MET: variants seen among roughly 807,000 people sequenced by gnomAD.
MET encodes the protein hepatocyte growth factor receptor.
In MET, 48 loss-of-function variants were observed where a neutral mutation model predicts 133.1. The observed-to-expected ratio is 0.36, with a 90% CI of 0.29 to 0.46. The LOEUF (loss-of-function observed/expected upper bound fraction) is 0.46. Ranked by LOEUF, MET falls within the 20% of genes least tolerant of loss-of-function variation. The pLI is 1.00. For synonymous variants in MET, 628 were observed against 616.5 expected (o/e 1.02, Z -0.28); for missense variants, 1,442 against 1,695.9 (o/e 0.85, Z 2.63).
At position 116,778,910 on chromosome 7, in the gene MET, T is replaced by C. The variant is rs2117047603; in HGVS notation, c.3475T>C (p.Tyr1159His). The part of the protein sequence containing the change: ...SEGSPLVVLP[Y>H]MKHGDLRNFI... ...AGGGTCTCCGCTGGTGGTCCTACCATACATGAAACATGGAGATCTTCGAAA... is the reference window on the plus strand; with the variant it reads ...AGGGTCTCCGCTGGTGGTCCTACCACACATGAAACATGGAGATCTTCGAAA... The change falls in exon 17 of 21, where the codon TAC becomes CAC. Residue 1159 changes from tyrosine to histidine, a missense_variant. Transcript: ENST00000397752. 1.2e-6 allele frequency: 2 copies of C among 1,613,994 alleles called. No homozygotes were observed. Among genetic ancestry groups the C allele is most frequent in the Non-Finnish European group, 1.7e-6 (2 of 1,179,938 alleles).
intron 2 of MET, among the ~76,000 whole-genome samples, chr7:116,703,137 A>C (rs574571138): frequency 1.7e-4 from 26 of 152,292 alleles, no homozygotes; most frequent in Non-Finnish European, 3.2e-4. Flanking sequence ...GTCTCCACAT[A>C]TGATGCTGTT....
chr7:116,797,108 C>T lies in MET; in HGVS notation c.*984C>T, dbSNP rs573510587. The T allele has an allele frequency of 5.1e-6, 1 of 195,448 alleles. No individual in the cohort carries two copies. The highest frequency in any genetic ancestry group is 1.9e-4 in the South Asian group (1 of 5,164). 12.1% of individuals were successfully genotyped at this position (195,448 alleles called of 1,614,324 possible). Reference sequence around the variant, plus strand: ...AAATATTTAGTTGTCATATAAAAACCCACTGTTTGAGAATGATGCTACTCT... The same window carrying T: ...AAATATTTAGTTGTCATATAAAAACTCACTGTTTGAGAATGATGCTACTCT... On this transcript the variant is annotated 3_prime_UTR_variant, in exon 21 of 21. Transcript: ENST00000397752.
In MET at chr7:116,774,885, G is replaced by A. The variant is rs773719648; in HGVS notation, c.3033G>A (p.Gln1011=). The change falls in exon 15 of 21, where the codon CAG becomes CAA. Residue 1011 remains glutamine (Q), a synonymous_variant. Transcript: ENST00000397752. ...TAATTTTCCTTCATCTTACAGATCA[G>A]TTTCCTAATTCATCTCAGAACGGTT... is the stretch of plus-strand genomic sequence containing the variant. ...VDYRATFPED[Q]FPNSSQNGSC... The A allele has an allele frequency of 6.2e-7, 1 of 1,613,612 alleles. No homozygotes were observed. The highest frequency in any genetic ancestry group is 1.3e-5 in the African/African-American group (1 of 74,880).
intron 10 of MET, among the ~76,000 whole-genome samples, chr7:116,760,964 T>C (rs528224773): frequency 6.6e-6 from 1 of 152,294 alleles, no homozygotes; most frequent in East Asian, 1.9e-4. Flanking sequence ...CAAATAAGAA[T>C]AATAGTGACC....
At chr7:116,694,198 C>G (rs1452909359) in intron 1 of MET, among the ~76,000 whole-genome samples, 2 of 152,136 alleles carry the variant, frequency 1.3e-5, no homozygotes, top group African/African-American at 4.8e-5. Flanking sequence ...CAACACACAC[C>G]TTTGTTAATG....
chr7:116,702,794 G>A (rs1015796520), intron 2 of MET, among the ~76,000 whole-genome samples: 9 of 152,136 alleles, frequency 5.9e-5, no homozygotes, highest in Non-Finnish European at 1.3e-4. Context: ...CCTCAGTGTT[G>A]ACACATTGCT....
At position 116,763,039 on chromosome 7, in the gene MET, T is replaced by A. The variant is rs1367439751; in HGVS notation, c.2365-11T>A. On this transcript the variant is annotated splice_polypyrimidine_tract_variant and intron_variant, in intron 10 of 20. Transcript: ENST00000397752. Reference sequence around the variant, plus strand: ...ATTCTGTTTACAGTGGATAATTGTGTCTTTCTCTAGGCATGTCAACATCGC... The same window carrying A: ...ATTCTGTTTACAGTGGATAATTGTGACTTTCTCTAGGCATGTCAACATCGC... The A allele has an allele frequency of 6.2e-7, 1 of 1,609,902 alleles. No individual in the cohort carries two copies. The highest frequency in any genetic ancestry group is 8.5e-7 in the Non-Finnish European group (1 of 1,176,270).
At chr7:116,682,713 A>G (rs893390307) in intron 1 of MET, among the ~76,000 whole-genome samples, 1 of 152,028 alleles carries the variant, frequency 6.6e-6, no homozygotes, top group Non-Finnish European at 1.5e-5. Flanking sequence ...GTTCTTTCCC[A>G]TTTTGCCCAA....
At chr7:116,795,566 CA>C in intron 19 of MET, 88 bp from the exon 20 acceptor site, 1 of 1,584,002 alleles carries the variant, frequency 6.3e-7, no homozygotes, top group Non-Finnish European at 8.7e-7. Flanking sequence ...TATGTAAAGC[CA>C]AGTTTAGTTA....
intron 9 of MET, among the ~76,000 whole-genome samples, 169 bp downstream of exon 9, chr7:116,758,789 T>C (rs1794286585): frequency 6.6e-6 from 1 of 152,226 alleles, no homozygotes; most frequent in South Asian, 2.1e-4. Flanking sequence ...GTTCTGAGTG[T>C]AGTTTGACTT....
At chr7:116,702,466 C>G (rs1258411721) in intron 2 of MET, among the ~76,000 whole-genome samples, 1 of 151,964 alleles carries the variant, frequency 6.6e-6, no homozygotes, top group Non-Finnish European at 1.5e-5. Context: ...TAGCTTAATG[C>G]CAAAATGAAG....
intron 19 of MET, among the ~76,000 whole-genome samples, chr7:116,792,750 T>C (rs537071011): frequency 6.6e-6 from 1 of 152,296 alleles, no homozygotes; most frequent in East Asian, 1.9e-4. Context: ...ATCCCCCTTT[T>C]ATGTGACTTT....
At chr7:116,714,741 G>GCACA (rs1331223041) in intron 2 of MET, among the ~76,000 whole-genome samples, 4 of 116,422 alleles carry the variant, frequency 3.4e-5, no homozygotes, top group Non-Finnish European at 5.7e-5. Context: ...ACACTCACAT[G>GCACA]CACGCACACA....
intron 1 of MET, among the ~76,000 whole-genome samples, chr7:116,698,448 C>G (rs1232093375): frequency 6.6e-6 from 1 of 152,176 alleles, no homozygotes; most frequent in African/African-American, 2.4e-5. Context: ...ATTTGTCTGT[C>G]TAAAACAATA....
intron 1 of MET, among the ~76,000 whole-genome samples, chr7:116,680,631 A>T (rs1216365724): frequency 6.6e-6 from 1 of 152,146 alleles, no homozygotes; most frequent in Non-Finnish European, 1.5e-5. Context: ...AATTCTAAGT[A>T]GGAAAGAGGC....
chr7:116,696,199 A>G (rs1296821487), intron 1 of MET, among the ~76,000 whole-genome samples: 2 of 151,900 alleles, frequency 1.3e-5, no homozygotes, highest in African/African-American at 4.8e-5. Context: ...CTCCTTTGAG[A>G]CTCGGCTCTA....
intron 2 of MET, among the ~76,000 whole-genome samples, chr7:116,718,942 G>C (rs1366023349): frequency 6.8e-6 from 1 of 147,096 alleles, no homozygotes; most frequent in Non-Finnish European, 1.5e-5. Context: ...GAATAATGTC[G>C]CAATAAACAT....
intron 11 of MET, among the ~76,000 whole-genome samples, chr7:116,765,921 C>T (rs1322551971): frequency 6.6e-6 from 1 of 152,134 alleles, no homozygotes; most frequent in African/African-American, 2.4e-5. Context: ...CACACTCAGG[C>T]TTCTTGATTC....
At position 116,746,673 on chromosome 7, in the gene MET, C is replaced by T. The variant is rs572854237; in HGVS notation, c.1701+5648C>T. On this transcript the variant is annotated intron_variant, in intron 5 of 20. Coordinates refer to ENST00000397752, the MANE Select transcript of MET (RefSeq NM_000245.4). Reference sequence around the variant, plus strand: ...GAAACCATCATTCTGAGCAAACTATCGCAAGAACAAAAAACCAAACACCGC... The same window carrying T: ...GAAACCATCATTCTGAGCAAACTATTGCAAGAACAAAAAACCAAACACCGC... Among the ~76,000 whole-genome samples the T allele has an allele frequency of 7.3e-5, 11 of 151,300 alleles. No individual in the cohort carries two copies. The South Asian group carries it at 1.3e-3, about 17-fold the overall frequency.
Sources: gnomAD v4.1 joint callset for allele counts (sites outside exome capture counted in the v4.1 genomes callset) on GRCh38, gnomAD v4.1.1 for gene constraint, MANE v1.5 for transcripts, NCBI Gene and HGNC (gene_info 2026-07-23, HGNC 2026-07-21) for gene names.